The following ASH1L variants were observed in gnomAD, a reference collection of about 807,000 sequenced individuals.
ASH1L encodes the protein histone-lysine N-methyltransferase ASH1L.
A neutral mutation model predicts 269.0 loss-of-function variants in ASH1L; 23 were observed. That is an observed-to-expected ratio of 0.09 (90% confidence interval 0.06 to 0.12). The LOEUF (loss-of-function observed/expected upper bound fraction) is 0.12. ASH1L is among the 10% of genes least tolerant of loss of function. ASH1L has a pLI of 1.00. For missense variants in ASH1L, 2,912 were observed against 3,567.8 expected, an observed-to-expected ratio of 0.82 and a Z score of 4.68; for synonymous variants, 1,187 against 1,253.5, an observed-to-expected ratio of 0.95 and a Z score of 1.12.
At chr1:155,485,610 G>C (rs1418074806) in intron 2 of ASH1L, among the ~76,000 whole-genome samples, 1 of 152,146 alleles carries the variant, frequency 6.6e-6, no homozygotes, top group Non-Finnish European at 1.5e-5. Context: ...AATATCACTA[G>C]GAACCAAAAT....
intron 6 of ASH1L, among the ~76,000 whole-genome samples, chr1:155,410,942 T>C (rs1485388997): frequency 1.3e-5 from 2 of 152,218 alleles, no homozygotes; most frequent in African/African-American, 4.8e-5. Flanking sequence ...ATTACAATAG[T>C]AGATACATGT....
chr1:155,374,622 C>T (rs913106557), intron 10 of ASH1L, among the ~76,000 whole-genome samples: 1 of 152,066 alleles, frequency 6.6e-6, no homozygotes, highest in Admixed American at 6.6e-5. Flanking sequence ...TATTGAATAC[C>T]CCTCTTGAAA....
chr1:155,433,038 C>G, intron 5 of ASH1L: 8 of 982,426 alleles, frequency 8.1e-6, no homozygotes, highest in Non-Finnish European at 8.7e-6. Context: ...ACAGTAAAGG[C>G]AGAAATCATC....
chr1:155,372,564 C>A (rs2148421161), intron 10 of ASH1L, among the ~76,000 whole-genome samples: 1 of 151,812 alleles, frequency 6.6e-6, no homozygotes, highest in South Asian at 2.1e-4. Flanking sequence ...CCACCTCAGC[C>A]TCTCAAAGTT....
intron 2 of ASH1L, among the ~76,000 whole-genome samples, chr1:155,487,662 G>GGGTGA (rs2148750479): frequency 6.6e-6 from 1 of 152,158 alleles, no homozygotes; most frequent in East Asian, 1.9e-4. Flanking sequence ...GGGATTACAG[G>GGGTGA]GGTGAGCCAC....
intron 25 of ASH1L, among the ~76,000 whole-genome samples, chr1:155,341,723 A>G (rs1162868045): frequency 6.6e-6 from 1 of 152,242 alleles, no homozygotes; most frequent in Non-Finnish European, 1.5e-5. Context: ...GAGGAAAGGT[A>G]TAACACTATA....
At chr1:155,340,140 AAT>A (rs1652653028) in intron 25 of ASH1L, among the ~76,000 whole-genome samples, 1 of 152,046 alleles carries the variant, frequency 6.6e-6, no homozygotes, top group Non-Finnish European at 1.5e-5. Flanking sequence ...AAAAAAAAAA[AAT>A]AGGGAAAATA....
intron 3 of ASH1L, among the ~76,000 whole-genome samples, chr1:155,461,278 G>A (rs1664279700): frequency 6.6e-6 from 1 of 152,202 alleles, no homozygotes; most frequent in Admixed American, 6.5e-5. Context: ...TTTCAATTAA[G>A]TAGTATCTTA....
At chr1:155,371,071 G>A in intron 10 of ASH1L, 88 bp from the exon 11 acceptor site, 1 of 1,077,020 alleles carries the variant, frequency 9.3e-7, no homozygotes, top group Non-Finnish European at 1.3e-6. Context: ...ATTTAAAAAT[G>A]AATACATGAA....
chr1:155,460,033 G>A, intron 3 of ASH1L, 135 bp from the exon 4 acceptor site: 1 of 608,402 alleles, frequency 1.6e-6, no homozygotes, highest in Admixed American at 3.4e-5. Flanking sequence ...CTTGTAACCT[G>A]ATATTAGGAG....
At chr1:155,532,985 T>A (rs200882561) in intron 1 of ASH1L, among the ~76,000 whole-genome samples, 67 of 67,036 alleles carry the variant, frequency 1.0e-3, no homozygotes, top group Admixed American at 2.3e-3. Flanking sequence ...AGAGAGAGAG[T>A]GTGTGTGTGT....
At position 155,424,530 on chromosome 1, in the gene ASH1L, C is replaced by T. The variant is rs1571177047; in HGVS notation, c.5829-8607G>A. 2.6e-5 allele frequency among the ~76,000 whole-genome samples: 4 copies of T among 152,094 alleles called. No individual in the cohort carries two copies. The East Asian group carries it at 5.8e-4, about 22-fold the overall frequency. Reference sequence around the variant, plus strand: ...TCAAGCGATTCTCCTGCCTCAGCCTCCCGAGTACCTGGGATTACGGGCATG... The same window carrying T: ...TCAAGCGATTCTCCTGCCTCAGCCTTCCGAGTACCTGGGATTACGGGCATG... On this transcript the variant is annotated intron_variant, in intron 5 of 27. Transcript: ENST00000392403.
intron 8 of ASH1L, 114 bp downstream of exon 8, chr1:155,379,929 T>C: frequency 1.3e-6 from 1 of 762,496 alleles, no homozygotes; most frequent in Non-Finnish European, 2.2e-6. Flanking sequence ...ACAGGGACAC[T>C]TCTGAAAACC....
At chr1:155,422,013 T>C (rs930860341) in intron 5 of ASH1L, among the ~76,000 whole-genome samples, 7 of 152,300 alleles carry the variant, frequency 4.6e-5, no homozygotes, top group South Asian at 2.1e-4. Context: ...AGAAAAACTC[T>C]ATTCCATCCT....
Position 155,342,122 on chromosome 1 carries a change from T to A in ASH1L, c.8294-20A>T. 6.2e-7 allele frequency: 1 copy of A among 1,610,332 alleles called. No homozygotes were observed. Among genetic ancestry groups the A allele is most frequent in the South Asian group, 1.1e-5 (1 of 91,026 alleles). On this transcript the variant is annotated intron_variant, in intron 24 of 27. Transcript: ENST00000392403. ...GTCTCCCTATGGGTCCAACCAGTGT[T>A]AAGGAATCCTATTTAGCCATTTCTC...
intron 4 of ASH1L, among the ~76,000 whole-genome samples, chr1:155,457,343 T>C (rs1663934773): frequency 6.6e-6 from 1 of 152,240 alleles, no homozygotes; most frequent in African/African-American, 2.4e-5. Flanking sequence ...TTATTGCTTT[T>C]ACAACCTCCT....
chr1:155,530,136 C>T (rs1257803381), intron 1 of ASH1L, among the ~76,000 whole-genome samples: 3 of 152,006 alleles, frequency 2.0e-5, no homozygotes, highest in Non-Finnish European at 2.9e-5. Flanking sequence ...TTTGTCTAAA[C>T]GTAATTTTAC....
chr1:155,531,127 C>G (rs997098461), intron 1 of ASH1L, among the ~76,000 whole-genome samples: 2 of 151,494 alleles, frequency 1.3e-5, no homozygotes, highest in African/African-American at 4.9e-5. Context: ...CACTGCACTC[C>G]AGTCTGGGCA....
In ASH1L at chr1:155,335,481, C is replaced by T. The variant is rs546343375; in HGVS notation, c.*2179G>A. ...CACAGCCTACAGACATGCAGACTAA[C>T]TCTGTATCTATTTGCAGTGATGTAG... On this transcript the variant is annotated 3_prime_UTR_variant, in exon 28 of 28. Transcript: ENST00000392403. The T allele has an allele frequency of 6.5e-6, 1 of 152,856 alleles. No individual in the cohort carries two copies. The highest frequency in any genetic ancestry group is 2.4e-5 in the African/African-American group (1 of 41,544). The allele number at this position is 152,856 out of a possible 1,614,324, so 9.5% of individuals were successfully genotyped here.
Sources: gnomAD v4.1 joint callset for allele counts (sites outside exome capture counted in the v4.1 genomes callset) on GRCh38, gnomAD v4.1.1 for gene constraint, MANE v1.5 for transcripts, NCBI Gene and HGNC (gene_info 2026-07-23, HGNC 2026-07-21) for gene names.